ZNF814: variants seen among roughly 807,000 people sequenced by gnomAD.
ZNF814 encodes the protein zinc finger protein 814.
In ZNF814, 5 loss-of-function variants were observed where a neutral mutation model predicts 7.5. The observed-to-expected ratio is 0.67, with a 90% CI of 0.35 to 1.40. ZNF814 has a LOEUF of 1.40. Among genes scored for constraint, ZNF814 ranks in the 40% most tolerant of loss-of-function variants. The pLI, the probability that ZNF814 is intolerant of heterozygous loss-of-function variation, is 0.04. For missense variants in ZNF814, 962 were observed against 1,018.0 expected (o/e 0.94, Z 0.75); for synonymous variants, 315 against 340.7 (o/e 0.92, Z 0.83).
At chr19:57,884,950 T>A (rs1315338046) in intron 1 of ZNF814, among the ~76,000 whole-genome samples, 1 of 152,142 alleles carries the variant, frequency 6.6e-6, no homozygotes, top group Non-Finnish European at 1.5e-5. Context: ...ATATCTGCAC[T>A]CCCATGTTTG....
chr19:57,872,010 G>A lies in ZNF814; in HGVS notation c.*812C>T, dbSNP rs1176591566. On this transcript the variant is annotated 3_prime_UTR_variant, in exon 3 of 3. Transcript: ENST00000435989. ...TGTGGTTTCAGCTACTCAGGAGGCCGAGGCAACAGAATCACTTAAGCCCAG... is the reference window on the plus strand; with the variant it reads ...TGTGGTTTCAGCTACTCAGGAGGCCAAGGCAACAGAATCACTTAAGCCCAG... Among the ~76,000 whole-genome samples, 1 of 152,002 alleles carries A rather than the reference G, an allele frequency of 6.6e-6. No individual in the cohort carries two copies. Among genetic ancestry groups the A allele is most frequent in the South Asian group, 2.1e-4 (1 of 4,812 alleles).
chr19:57,879,051 A>G (rs138432496), intron 1 of ZNF814, among the ~76,000 whole-genome samples: 83 of 151,976 alleles, frequency 5.5e-4, no homozygotes, highest in African/African-American at 1.8e-3. Flanking sequence ...GTGGCAAATC[A>G]CACTGGGCCT....
intron 2 of ZNF814, among the ~76,000 whole-genome samples, chr19:57,875,923 T>G (rs1262526292): frequency 6.8e-6 from 1 of 147,578 alleles, no homozygotes; most frequent in African/African-American, 2.5e-5. Context: ...CCTGACTCCA[T>G]GACCTCCTCC....
At chr19:57,901,916 G>T in the ZNF814 span, among the ~76,000 whole-genome samples, 7 of 152,230 alleles carry the variant, frequency 4.6e-5, no homozygotes, top group African/African-American at 1.7e-4. Context: ...ACAGAACCTC[G>T]ATGCCTGAGC....
chr19:57,878,909 G>GCA (rs151236809), intron 1 of ZNF814, among the ~76,000 whole-genome samples: 3 of 151,026 alleles, frequency 2.0e-5, no homozygotes, highest in African/African-American at 7.3e-5. Context: ...CTACATACAT[G>GCA]CACACACACA....
At chr19:57,875,482 C>A (rs1458943074) in intron 2 of ZNF814, among the ~76,000 whole-genome samples, 1 of 152,226 alleles carries the variant, frequency 6.6e-6, no homozygotes, top group Non-Finnish European at 1.5e-5. Flanking sequence ...ACAATCCCTG[C>A]ATCTGCAAAC....
At chr19:57,900,419 G>A in the ZNF814 span, 2 of 152,270 alleles carry the variant, frequency 1.3e-5, no homozygotes, top group East Asian at 1.9e-4. Flanking sequence ...ATCAAAGGGC[G>A]GATGCACTGG....
chr19:57,886,251 G>C (rs2071692607), intron 1 of ZNF814, among the ~76,000 whole-genome samples: 1 of 151,976 alleles, frequency 6.6e-6, no homozygotes, highest in African/African-American at 2.4e-5. Flanking sequence ...GATAGGATGT[G>C]ATAAGCTCAG....
At chr19:57,875,694 G>C (rs1029297741) in intron 2 of ZNF814, among the ~76,000 whole-genome samples, 2 of 152,086 alleles carry the variant, frequency 1.3e-5, no homozygotes, top group Non-Finnish European at 2.9e-5. Flanking sequence ...TGAGATCTGG[G>C]GCCCAGAGAT....
chr19:57,895,276 TTTC>T, the ZNF814 span, among the ~76,000 whole-genome samples: 1 of 151,192 alleles, frequency 6.6e-6, no homozygotes, highest in African/African-American at 2.4e-5. Flanking sequence ...TTTTCTTTTC[TTTC>T]TTTTTTTTTT....
At chr19:57,899,883 G>T in the ZNF814 span, among the ~76,000 whole-genome samples, 1 of 152,176 alleles carries the variant, frequency 6.6e-6, no homozygotes, top group African/African-American at 2.4e-5. Flanking sequence ...ACACAACAAA[G>T]TTAATGGGAT....
At chr19:57,902,929 G>T in the ZNF814 span, among the ~76,000 whole-genome samples, 1 of 151,882 alleles carries the variant, frequency 6.6e-6, no homozygotes, top group Non-Finnish European at 1.5e-5. Context: ...TCCGCCCGCC[G>T]CAGCCTCCCA....
chr19:57,884,529 G>A (rs182861276), intron 1 of ZNF814, among the ~76,000 whole-genome samples: 1 of 152,294 alleles, frequency 6.6e-6, no homozygotes, highest in Admixed American at 6.5e-5. Context: ...GAGGTAGCAG[G>A]ATAGCCTGAG....
upstream of ZNF814, among the ~76,000 whole-genome samples, chr19:57,889,435 C>A (rs2071720531): frequency 2.0e-5 from 3 of 151,978 alleles, no homozygotes; most frequent in Admixed American, 2.0e-4. Flanking sequence ...GTCCCAGCTG[C>A]CCTAAGGTTG....
chr19:57,889,132 C>T (rs2071718341), upstream of ZNF814: 1 of 427,442 alleles, frequency 2.3e-6, no homozygotes, highest in African/African-American at 2.0e-5. Context: ...TCTACGCTAT[C>T]ATTCGAGGCT....
the ZNF814 span, chr19:57,900,422 T>C: frequency 6.6e-6 from 1 of 152,214 alleles, no homozygotes; most frequent in Non-Finnish European, 1.5e-5. Context: ...AAAGGGCGGA[T>C]GCACTGGTTT....
chr19:57,874,381 C>T lies in ZNF814; in HGVS notation c.1009G>A (p.Ala337Thr). 6.5e-7 allele frequency: 1 copy of T among 1,545,176 alleles called. No individual in the cohort carries two copies. Among genetic ancestry groups the T allele is most frequent in the East Asian group, 2.4e-5 (1 of 40,982 alleles). The change falls in exon 3 of 3, where the codon GCT (alanine) becomes ACT (threonine). Residue 337 changes from alanine (A) to threonine (T), a missense_variant. Ala to Thr is a moderately conservative substitution (Grantham distance 58). Around this residue, in one of 7 missense-constraint regions of ZNF814, gnomAD observed 30 missense variants for 97.6 expected, o/e 0.31. Transcript: ENST00000435989. ...GECGKSFSKY[A>T]SFSNHQRVHT... ...ACTCTCTGATGATTACTGAAGCTAGCATATTTGCTAAACGATTTCCCACAT... is the reference window on the plus strand; with the variant it reads ...ACTCTCTGATGATTACTGAAGCTAGTATATTTGCTAAACGATTTCCCACAT...
In ZNF814 at chr19:57,874,102, G is replaced by A; in HGVS notation, c.1288C>T (p.His430Tyr). The change falls in exon 3 of 3, where the codon CAC (histidine) becomes TAC (tyrosine). Residue 430 changes from histidine (H) to tyrosine (Y), a missense_variant. By Grantham distance (83) the His-to-Tyr change is moderately conservative. Around this residue, in one of 7 missense-constraint regions of ZNF814, gnomAD observed 665 missense variants for 551.4 expected, o/e 1.21. Coordinates refer to ENST00000435989, the MANE Select transcript of ZNF814 (RefSeq NM_001144989.2). ...KSSLIQHQRF[H>Y]TGEKPYGCEE... ...CACCCATAAGGTTTTTCTCCAGTGT[G>A]AAATCGCTGATGTTGAATGAGGCTG... 6.2e-7 allele frequency: 1 copy of A among 1,601,784 alleles called. No individual in the cohort carries two copies.
the ZNF814 span, among the ~76,000 whole-genome samples, chr19:57,903,093 GAGA>G: frequency 2.0e-5 from 3 of 152,188 alleles, no homozygotes; most frequent in Admixed American, 6.5e-5. Context: ...ATTAGAGCCA[GAGA>G]AGGAGTTTGG....
Sources: gnomAD v4.1 joint callset for allele counts (sites outside exome capture counted in the v4.1 genomes callset) on GRCh38, gnomAD v4.1.1 for gene constraint, gnomAD v4.1.1 regional missense constraint, MANE v1.5 for transcripts, NCBI Gene and HGNC (gene_info 2026-07-23, HGNC 2026-07-21) for gene names.